Variants in ORC2 observed in about 807,000 individuals in gnomAD.
ORC2 encodes origin recognition complex protein 2 homolog.
A neutral mutation model predicts 77.7 loss-of-function variants in ORC2; 37 were observed. The observed-to-expected ratio is 0.48, with a 90% CI of 0.37 to 0.63. The LOEUF (loss-of-function observed/expected upper bound fraction) is 0.63. ORC2 is among the 20% of genes least tolerant of loss of function. ORC2 has a pLI of 0.00. For missense variants in ORC2, 557 were observed against 661.9 expected (o/e 0.84, Z 1.74); for synonymous variants, 201 against 229.5 (o/e 0.88, Z 1.12).
At chr2:200,945,239 T>C (rs2041230476) in intron 5 of ORC2, among the ~76,000 whole-genome samples, 2 of 152,210 alleles carry the variant, frequency 1.3e-5, no homozygotes, top group Admixed American at 1.3e-4. Context: ...TGAAATGTAA[T>C]GGCATGGCTG....
chr2:200,957,047 C>G (rs1012631805), intron 4 of ORC2, among the ~76,000 whole-genome samples: 1 of 152,086 alleles, frequency 6.6e-6, no homozygotes, highest in African/African-American at 2.4e-5. Flanking sequence ...GGACAGACAG[C>G]TAATGCATGT....
Position 200,949,556 on chromosome 2 carries a change from A to T in ORC2, c.326T>A (p.Leu109Ter). 6.5e-7 allele frequency: 1 copy of T among 1,528,198 alleles called. No homozygotes were observed. The highest frequency in any genetic ancestry group is 9.1e-7 in the Non-Finnish European group (1 of 1,104,766). The allele number at this position is 1,528,198 out of a possible 1,614,324, so 94.7% of individuals were successfully genotyped here. ...TAGAAATCAGAAAAGCAACATACCT[A>T]ATTTAGCCATCTTTTCAGAGTGTTT... ...NRKHSEKMAK[L>*]ASELAKTPQK... Residue 109 changes from leucine to a stop codon, truncating the protein, a stop_gained and splice_region_variant, in exon 5 of 18, where the codon TTA (leucine) becomes TAA (stop). Coordinates refer to ENST00000234296, the MANE Select transcript of ORC2 (RefSeq NM_006190.5). LOFTEE classifies it high-confidence loss of function.
At chr2:200,920,499 C>T (rs1267824188) in intron 14 of ORC2, 106 bp from the exon 15 acceptor site, 1 of 943,604 alleles carries the variant, frequency 1.1e-6, no homozygotes, top group Non-Finnish European at 1.4e-6. Context: ...AAAAATGAAT[C>T]CCCAAGTTTT....
intron 4 of ORC2, among the ~76,000 whole-genome samples, chr2:200,954,704 C>G (rs1175837893): frequency 6.6e-6 from 1 of 151,910 alleles, no homozygotes; most frequent in East Asian, 1.9e-4. Context: ...CTGTGGCCCT[C>G]CAAAGCGTCA....
intron 4 of ORC2, among the ~76,000 whole-genome samples, chr2:200,954,739 T>C (rs544640089): frequency 6.6e-6 from 1 of 152,112 alleles, no homozygotes; most frequent in African/African-American, 2.4e-5. Context: ...ATATACAGCA[T>C]ATATGTAGTA....
rs1255532393 is a variant in ORC2, at chr2:200,949,552, A to G, written c.328+2T>C. On this transcript the variant is annotated splice_donor_variant, in intron 5 of 17. Coordinates refer to ENST00000234296, the MANE Select transcript of ORC2 (RefSeq NM_006190.5). LOFTEE classifies it high-confidence loss of function. ...GTTATAGAAATCAGAAAAGCAACAT[A>G]CCTAATTTAGCCATCTTTTCAGAGT... 6.7e-7 allele frequency: 1 copy of G among 1,502,784 alleles called. No individual in the cohort carries two copies. 93.1% of individuals were successfully genotyped at this position (1,502,784 alleles called of 1,614,324 possible).
chr2:200,926,980 A>G, intron 11 of ORC2, 80 bp from the exon 12 acceptor site: 1 of 1,414,540 alleles, frequency 7.1e-7, no homozygotes, highest in South Asian at 1.2e-5. Context: ...GTTTCCTTAA[A>G]TTCAGTTTAT....
chr2:200,944,842 G>A (rs1283949693), intron 5 of ORC2, among the ~76,000 whole-genome samples: 1 of 152,186 alleles, frequency 6.6e-6, no homozygotes, highest in Non-Finnish European at 1.5e-5. Flanking sequence ...GCCCAGCGGT[G>A]AATCACTATT....
chr2:200,932,976 C>T (rs1007911913), intron 10 of ORC2, among the ~76,000 whole-genome samples: 3 of 152,132 alleles, frequency 2.0e-5, no homozygotes, highest in African/African-American at 7.2e-5. Context: ...CTTTCGTCTC[C>T]CTCACTGACA....
intron 11 of ORC2, among the ~76,000 whole-genome samples, chr2:200,928,116 G>A (rs2040874370): frequency 6.6e-6 from 1 of 152,136 alleles, no homozygotes; most frequent in South Asian, 2.1e-4. Flanking sequence ...AGCACTTTGG[G>A]AGGTCGAGGC....
chr2:200,952,929 T>A (rs1268049728), intron 4 of ORC2, among the ~76,000 whole-genome samples: 2 of 151,378 alleles, frequency 1.3e-5, no homozygotes, highest in African/African-American at 2.4e-5. Context: ...CTGGTCAACA[T>A]GGTGAGACTC....
At position 200,955,656 on chromosome 2, in the gene ORC2, G is replaced by A. The variant is rs538123385; in HGVS notation, c.238+1745C>T. On this transcript the variant is annotated intron_variant, in intron 4 of 17. Coordinates refer to ENST00000234296, the MANE Select transcript of ORC2 (RefSeq NM_006190.5). ...GTACATGAAGAAAATATGTGGCATA[G>A]AGAAATCAGAACAGATGCACAGAGA... Among the ~76,000 whole-genome samples, 15 of 152,300 alleles carry A rather than the reference G, an allele frequency of 9.8e-5. No homozygotes were observed. In the South Asian group the frequency reaches 2.9e-3, roughly 29 times the overall value.
chr2:200,952,119 T>A (rs1352899217), intron 4 of ORC2, among the ~76,000 whole-genome samples: 1 of 152,164 alleles, frequency 6.6e-6, no homozygotes, highest in Non-Finnish European at 1.5e-5. Context: ...CCCAGTGATC[T>A]GCAATGCTAC....
intron 13 of ORC2, among the ~76,000 whole-genome samples, chr2:200,923,797 G>A (rs1329315450): frequency 6.6e-6 from 1 of 152,118 alleles, no homozygotes; most frequent in Non-Finnish European, 1.5e-5. Flanking sequence ...TGAACAGACT[G>A]TGAAAACGAT....
At chr2:200,917,104 C>T (rs1027664503) in intron 15 of ORC2, among the ~76,000 whole-genome samples, 7 of 150,872 alleles carry the variant, frequency 4.6e-5, no homozygotes, top group Middle Eastern at 3.5e-3. Flanking sequence ...AAGCGATTCT[C>T]CCTCCTCAGC....
intron 11 of ORC2, among the ~76,000 whole-genome samples, chr2:200,927,166 C>T (rs1035202737): frequency 1.3e-4 from 20 of 151,904 alleles, no homozygotes; most frequent in Admixed American, 3.3e-4. Flanking sequence ...TCACTGCAAC[C>T]TCAGCCTCCC....
intron 4 of ORC2, among the ~76,000 whole-genome samples, chr2:200,950,765 G>A (rs1206881621): frequency 2.6e-5 from 4 of 152,066 alleles, no homozygotes; most frequent in African/African-American, 9.7e-5. Context: ...AGAAAATGGT[G>A]TCAAACTTTC....
chr2:200,913,144 C>T, intron 17 of ORC2, 151 bp downstream of exon 17: 1 of 492,510 alleles, frequency 2.0e-6, no homozygotes, highest in South Asian at 2.5e-5. Context: ...GCTCTTTCTA[C>T]AAACTCAAAT....
intron 5 of ORC2, among the ~76,000 whole-genome samples, chr2:200,944,937 G>T (rs1263877217): frequency 6.6e-6 from 1 of 152,192 alleles, no homozygotes; most frequent in Non-Finnish European, 1.5e-5. Flanking sequence ...CAAGCTATAA[G>T]TCTATGGGGC....
Sources: allele counts gnomAD v4.1 joint callset (sites outside exome capture counted in the v4.1 genomes callset), GRCh38; gene constraint gnomAD v4.1.1; transcripts MANE v1.5; gene names NCBI Gene and HGNC (gene_info 2026-07-23, HGNC 2026-07-21).